MME: variants seen among roughly 807,000 people sequenced by gnomAD.
MME encodes the protein neprilysin.
In MME, 98 loss-of-function variants were observed where a neutral mutation model predicts 113.2. That is an observed-to-expected ratio of 0.87 (90% CI 0.74 to 1.02). The LOEUF is 1.02. Ranked by LOEUF, MME falls within the 50% of genes least tolerant of loss-of-function variation. MME has a pLI of 0.00. For missense variants in MME, 836 were observed against 896.0 expected (o/e 0.93, Z 0.86); for synonymous variants, 292 against 300.6 (o/e 0.97, Z 0.30).
intron 1 of MME, among the ~76,000 whole-genome samples, chr3:155,054,948 C>G (rs1713877700): frequency 6.6e-6 from 1 of 152,116 alleles, no homozygotes; most frequent in Admixed American, 6.5e-5. Context: ...TAGAACAATC[C>G]TAAATGTCAT....
upstream of MME, among the ~76,000 whole-genome samples, chr3:155,078,883 GA>G: frequency 2.6e-5 from 4 of 152,260 alleles, no homozygotes; most frequent in Middle Eastern, 0.01. Flanking sequence ...CTTTGAGGAG[GA>G]ATCGCTGTGT....
Position 155,130,411 on chromosome 3 carries a change from A to C in MME, c.721-7691A>C, listed in dbSNP as rs1359656750. Among the ~76,000 whole-genome samples the C allele has an allele frequency of 2.6e-5, 4 of 152,216 alleles. No homozygotes were observed. In the South Asian group the frequency reaches 8.3e-4, roughly 31 times the overall value. ...GTTTGAGAGCATAAGGAGGCGGGAAAGGAACTGGAGAGTAGAAGCTACAGG... is the reference window on the plus strand; with the variant it reads ...GTTTGAGAGCATAAGGAGGCGGGAACGGAACTGGAGAGTAGAAGCTACAGG... On this transcript the variant is annotated intron_variant, in intron 8 of 22. Coordinates refer to ENST00000360490, the MANE Select transcript of MME (RefSeq NM_007289.4).
chr3:155,111,564 C>T (rs760894032), intron 3 of MME, among the ~76,000 whole-genome samples: 1 of 152,190 alleles, frequency 6.6e-6, no homozygotes, highest in African/African-American at 2.4e-5. Context: ...GTTGCTTTTA[C>T]AGGATGGAGA....
At chr3:155,140,109 CTA>C (rs1220439299) in intron 9 of MME, 80 bp from the exon 10 acceptor site, 1 of 900,040 alleles carries the variant, frequency 1.1e-6, no homozygotes, top group Non-Finnish European at 1.7e-6. Flanking sequence ...TGTACCTATC[CTA>C]TATTTTTACC....
chr3:155,103,622 G>T (rs1192706890), intron 3 of MME, among the ~76,000 whole-genome samples: 3 of 152,088 alleles, frequency 2.0e-5, no homozygotes, highest in African/African-American at 7.2e-5. Flanking sequence ...TTTTCTACTT[G>T]GGTGTAAGCA....
intron 3 of MME, among the ~76,000 whole-genome samples, chr3:155,087,063 C>T (rs1393676478): frequency 1.3e-5 from 2 of 148,874 alleles, no homozygotes; most frequent in Non-Finnish European, 3.0e-5. Context: ...GTCTTGAACT[C>T]CTGAGATCAA....
At chr3:155,134,285 A>T (rs1362474697) in intron 8 of MME, among the ~76,000 whole-genome samples, 1 of 151,364 alleles carries the variant, frequency 6.6e-6, no homozygotes. Flanking sequence ...CCCTTGCTCC[A>T]CTCTCTCCCT....
At chr3:155,151,094 G>A (rs1192790972) in intron 16 of MME, among the ~76,000 whole-genome samples, 2 of 152,080 alleles carry the variant, frequency 1.3e-5, no homozygotes, top group African/African-American at 2.4e-5. Flanking sequence ...ATGTAATAAA[G>A]TCATTACTCT....
chr3:155,156,216 T>C (rs906983452), intron 16 of MME, among the ~76,000 whole-genome samples: 10 of 152,144 alleles, frequency 6.6e-5, no homozygotes, highest in African/African-American at 2.4e-4. Context: ...CTGCTTTGCC[T>C]CCTAACCTCT....
chr3:155,069,673 T>G (rs898774150), intron 1 of MME, among the ~76,000 whole-genome samples: 2 of 152,190 alleles, frequency 1.3e-5, no homozygotes, highest in Non-Finnish European at 2.9e-5. Context: ...CCTTCTTATT[T>G]TATTAACACC....
intron 8 of MME, 22 bp from the exon 9 acceptor site, chr3:155,138,080 T>C: frequency 2.5e-6 from 4 of 1,613,184 alleles, no homozygotes; most frequent in Non-Finnish European, 3.4e-6. Flanking sequence ...TCCAACAGTT[T>C]AGTGCTATTT....
At chr3:155,028,004 T>C (rs1215284119) in intron 1 of MME, among the ~76,000 whole-genome samples, 1 of 152,246 alleles carries the variant, frequency 6.6e-6, no homozygotes. Context: ...AATCTATTCA[T>C]GCATGGGTAA....
chr3:155,143,571 G>A lies in MME; in HGVS notation c.1317G>A (p.Val439=), dbSNP rs768429645. ...CATTTGCTGGAGAGAGTAAACATGTGGTAATGTTTTCAGAATAATACACTG... is the reference window on the plus strand; with the variant it reads ...CATTTGCTGGAGAGAGTAAACATGTAGTAATGTTTTCAGAATAATACACTG... ...EAAFAGESKH[V]VEDLIAQIRE... Residue 439 remains valine, a splice_region_variant and synonymous_variant, in exon 13 of 23, where the codon GTG becomes GTA. Transcript: ENST00000360490. 6.2e-7 allele frequency: 1 copy of A among 1,611,376 alleles called. No individual in the cohort carries two copies.
chr3:155,175,579 A>T (rs1712438897), intron 22 of MME, among the ~76,000 whole-genome samples: 1 of 151,964 alleles, frequency 6.6e-6, no homozygotes, highest in Non-Finnish European at 1.5e-5. Flanking sequence ...ATAATATGTA[A>T]GGGTCTGATA....
At chr3:155,089,947 A>T in intron 3 of MME, 1 of 378,390 alleles carries the variant, frequency 2.6e-6, no homozygotes, top group South Asian at 1.9e-5. Context: ...AAGACAGCGC[A>T]AGACTCTATC....
At chr3:155,137,954 G>A (rs1241123032) in intron 8 of MME, 148 bp from the exon 9 acceptor site, 5 of 863,510 alleles carry the variant, frequency 5.8e-6, no homozygotes, top group East Asian at 2.7e-5. Context: ...ATCTGTGCAG[G>A]TCATTTCTTT....
intron 1 of MME, among the ~76,000 whole-genome samples, chr3:155,052,397 G>T (rs889179679): frequency 6.6e-5 from 10 of 152,292 alleles, no homozygotes; most frequent in African/African-American, 2.2e-4. Flanking sequence ...GCACACCTCT[G>T]CCTGGATATC....
chr3:155,054,791 T>G (rs575139349), intron 1 of MME, among the ~76,000 whole-genome samples: 62 of 152,312 alleles, frequency 4.1e-4, no homozygotes, highest in Non-Finnish European at 5.9e-4. Context: ...CACTCTTGCC[T>G]GGGCAACAAG....
At position 155,037,995 on chromosome 3, in the gene MME, A is replaced by G. The variant is rs4414807; in HGVS notation, c.-11+13671A>G. Among the ~76,000 whole-genome samples, 29 of 152,280 alleles carry G rather than the reference A, an allele frequency of 1.9e-4. No individual in the cohort carries two copies. The South Asian group carries it at 4.6e-3, about 24-fold the overall frequency. ...GGAGAGATGAAGTCAGGTATGTGTAATGAAACAGATAGTCTAATGAAAGAG... is the reference window on the plus strand; with the variant it reads ...GGAGAGATGAAGTCAGGTATGTGTAGTGAAACAGATAGTCTAATGAAAGAG... On this transcript the variant is annotated intron_variant, in intron 1 of 22. Transcript: ENST00000492661.
Sources: gnomAD v4.1 joint callset for allele counts (sites outside exome capture counted in the v4.1 genomes callset) on GRCh38, gnomAD v4.1.1 for gene constraint, MANE v1.5 for transcripts, NCBI Gene and HGNC (gene_info 2026-07-23, HGNC 2026-07-21) for gene names.